ARHGAP31: variants seen among roughly 807,000 people sequenced by gnomAD.
ARHGAP31 encodes rho GTPase-activating protein 31.
A neutral mutation model predicts 113.9 loss-of-function variants in ARHGAP31; 34 were observed. The observed-to-expected ratio is 0.30, with a 90% CI of 0.23 to 0.40. The LOEUF (loss-of-function observed/expected upper bound fraction) is 0.40, where lower values mean the gene tolerates loss of function less well. Ranked by LOEUF, ARHGAP31 falls within the 10% of genes least tolerant of loss-of-function variation. The probability of loss-of-function intolerance (pLI) is 1.00; values close to 1 mark genes in which losing one functional copy is unlikely to be tolerated. For synonymous variants in ARHGAP31, 650 were observed against 684.8 expected, an observed-to-expected ratio of 0.95 and a Z score of 0.79; for missense variants, 1,548 against 1,767.1, an observed-to-expected ratio of 0.88 and a Z score of 2.22.
chr3:119,359,478 C>T (rs551988289), intron 1 of ARHGAP31, among the ~76,000 whole-genome samples: 1 of 151,514 alleles, frequency 6.6e-6, no homozygotes, highest in African/African-American at 2.4e-5. Flanking sequence ...ACACATTATA[C>T]TTTGTTAAAT....
intron 9 of ARHGAP31, among the ~76,000 whole-genome samples, chr3:119,400,509 A>C (rs959307029): frequency 2.6e-5 from 4 of 152,164 alleles, no homozygotes; most frequent in Non-Finnish European, 4.4e-5. Context: ...GATCTTCTTA[A>C]GTTAACTCGA....
At chr3:119,400,365 G>A (rs2080590578) in intron 9 of ARHGAP31, among the ~76,000 whole-genome samples, 1 of 152,080 alleles carries the variant, frequency 6.6e-6, no homozygotes, top group Non-Finnish European at 1.5e-5. Context: ...AAACCCAGGA[G>A]GCAGAGGCTG....
chr3:119,304,499 G>A (rs72960640), intron 1 of ARHGAP31, among the ~76,000 whole-genome samples: 8,948 of 152,142 alleles, frequency 0.059, 690 homozygotes, highest in African/African-American at 0.18. Context: ...CTTGGAATTG[G>A]TCACACCCTT....
intron 1 of ARHGAP31, among the ~76,000 whole-genome samples, chr3:119,317,368 C>CG (rs1386184224): frequency 1.3e-5 from 2 of 151,914 alleles, no homozygotes; most frequent in East Asian, 3.9e-4. Context: ...TTAGTAGAGA[C>CG]GGGGTTTCAC....
At chr3:119,355,479 T>C (rs1041359839) in intron 1 of ARHGAP31, among the ~76,000 whole-genome samples, 1 of 151,930 alleles carries the variant, frequency 6.6e-6, no homozygotes, top group African/African-American at 2.4e-5. Context: ...TCTTTTTTTT[T>C]TTTTTAATTT....
chr3:119,392,029 G>A (rs1237511651), intron 7 of ARHGAP31, among the ~76,000 whole-genome samples: 3 of 152,028 alleles, frequency 2.0e-5, no homozygotes, highest in Admixed American at 6.6e-5. Flanking sequence ...ACCACATCTC[G>A]GGTGCACCAT....
chr3:119,309,941 T>C (rs2079664208), intron 1 of ARHGAP31, among the ~76,000 whole-genome samples: 1 of 136,436 alleles, frequency 7.3e-6, no homozygotes, highest in Non-Finnish European at 1.6e-5. Flanking sequence ...TTAAAGGCAC[T>C]ATCAACTGTT....
intron 9 of ARHGAP31, 53 bp from the exon 10 acceptor site, chr3:119,401,769 G>A: frequency 6.4e-7 from 1 of 1,565,110 alleles, no homozygotes. Flanking sequence ...TGGAAGGCCT[G>A]CTATTGTATG....
At chr3:119,365,444 G>T (rs775884598) in intron 2 of ARHGAP31, 26 bp downstream of exon 2, 3 of 1,585,756 alleles carry the variant, frequency 1.9e-6, no homozygotes, top group Non-Finnish European at 2.6e-6. Context: ...AGCCCTAAAA[G>T]AATTCTCCCA....
chr3:119,295,653 A>C (rs778406026), intron 1 of ARHGAP31, among the ~76,000 whole-genome samples: 4 of 151,912 alleles, frequency 2.6e-5, no homozygotes, highest in Non-Finnish European at 4.4e-5. Context: ...TTGGTGTGTC[A>C]GACAAGAAGA....
At chr3:119,304,290 T>G (rs1559960545) in intron 1 of ARHGAP31, among the ~76,000 whole-genome samples, 2 of 152,200 alleles carry the variant, frequency 1.3e-5, no homozygotes, top group African/African-American at 4.8e-5. Flanking sequence ...CTGTAGAGGA[T>G]GAGCAAGCAG....
chr3:119,416,181 C>G lies in ARHGAP31; in HGVS notation c.4252C>G (p.Leu1418Val). The G allele has an allele frequency of 6.2e-7, 1 of 1,614,198 alleles. No homozygotes were observed. The highest frequency in any genetic ancestry group is 8.5e-7 in the Non-Finnish European group (1 of 1,180,046). Residue 1418 changes from leucine to valine, a missense_variant, in exon 12 of 12, where the codon CTA becomes GTA. Coordinates refer to ENST00000264245, the MANE Select transcript of ARHGAP31 (RefSeq NM_020754.4). Reference sequence around the variant, plus strand: ...GACCATCCCTAAGAATGGCCAGAGACTAGAGACCTCAACCAGCTGTTTTTA... The same window carrying G: ...GACCATCCCTAAGAATGGCCAGAGAGTAGAGACCTCAACCAGCTGTTTTTA... ...KMTIPKNGQR[L>V]ETSTSCFYQP... is the part of the protein sequence containing the mutation.
intron 1 of ARHGAP31, among the ~76,000 whole-genome samples, chr3:119,362,652 C>T (rs1027465810): frequency 6.6e-6 from 1 of 151,768 alleles, no homozygotes; most frequent in South Asian, 2.1e-4. Context: ...CCTGTAATCC[C>T]TTCTACTCGG....
In ARHGAP31 at chr3:119,326,012, G is replaced by A. The variant is rs1487567968; in HGVS notation, c.100+31008G>A. On this transcript the variant is annotated intron_variant, in intron 1 of 11. Coordinates refer to ENST00000264245, the MANE Select transcript of ARHGAP31 (RefSeq NM_020754.4). ...TCAACACCACCCTGGCCAACATGGT[G>A]AAACCCGGTCTCTACTAAAAATGCA... Among the ~76,000 whole-genome samples, 3 of 152,086 alleles carry A rather than the reference G, an allele frequency of 2.0e-5. No homozygotes were observed. In the East Asian group the frequency reaches 5.8e-4, roughly 29 times the overall value.
At chr3:119,337,716 A>G (rs1481087792) in intron 1 of ARHGAP31, among the ~76,000 whole-genome samples, 1 of 152,188 alleles carries the variant, frequency 6.6e-6, no homozygotes, top group Non-Finnish European at 1.5e-5. Flanking sequence ...GACACAGAGC[A>G]CTGACTGGTG....
chr3:119,383,330 G>C, intron 6 of ARHGAP31, 104 bp downstream of exon 6: 6 of 1,439,436 alleles, frequency 4.2e-6, no homozygotes, highest in Non-Finnish European at 5.8e-6. Context: ...CTAGCTCTGA[G>C]TGTTGGCTGT....
intron 1 of ARHGAP31, among the ~76,000 whole-genome samples, chr3:119,338,563 A>G (rs57828996): frequency 0.015 from 2,298 of 152,330 alleles, 52 homozygotes; most frequent in African/African-American, 0.052. Flanking sequence ...TTTTTGTTTC[A>G]TAAGTACAAA....
chr3:119,392,855 C>CCT (rs2080517122), intron 7 of ARHGAP31, among the ~76,000 whole-genome samples: 1 of 152,218 alleles, frequency 6.6e-6, no homozygotes, highest in Non-Finnish European at 1.5e-5. Context: ...CTTCACCAGC[C>CCT]CTCTCTTTGC....
chr3:119,403,388 T>TA (rs1007043245), intron 10 of ARHGAP31, among the ~76,000 whole-genome samples: 1 of 152,174 alleles, frequency 6.6e-6, no homozygotes, highest in African/African-American at 2.4e-5. Context: ...ATCCAGACTT[T>TA]AAAAAAATCC....
Sources: gnomAD v4.1 joint callset for allele counts (sites outside exome capture counted in the v4.1 genomes callset) on GRCh38, gnomAD v4.1.1 for gene constraint, MANE v1.5 for transcripts, NCBI Gene and HGNC (gene_info 2026-07-23, HGNC 2026-07-21) for gene names.